The following CTNND2 variants were observed in gnomAD, a reference collection of about 807,000 sequenced individuals.
CTNND2 encodes catenin delta-2.
CTNND2 carries 22 observed loss-of-function variants against 144.4 expected under a neutral mutation model. The ratio of observed to expected loss-of-function variants is 0.15; its 90% confidence interval spans 0.11 to 0.22. The LOEUF (loss-of-function observed/expected upper bound fraction) is 0.22. Among genes scored for constraint, CTNND2 ranks in the 10% least tolerant of loss-of-function variants. The pLI is 1.00. For synonymous variants in CTNND2, 751 were observed against 695.6 expected, an observed-to-expected ratio of 1.08 and a Z score of -1.25; for missense variants, 1,353 against 1,618.8, an observed-to-expected ratio of 0.84 and a Z score of 2.82.
chr5:11,641,598 G>A (rs1312857797), intron 2 of CTNND2, among the ~76,000 whole-genome samples: 1 of 139,228 alleles, frequency 7.2e-6, no homozygotes, highest in African/African-American at 3.3e-5. Flanking sequence ...ATATACGTGT[G>A]TGTATATACA....
intron 18 of CTNND2, among the ~76,000 whole-genome samples, chr5:10,994,072 CCATTAT>C (rs1266211094): frequency 2.0e-5 from 3 of 150,268 alleles, no homozygotes; most frequent in African/African-American, 7.4e-5. Context: ...CTAATGGATA[CCATTAT>C]CTGCATTCTA....
intron 3 of CTNND2, among the ~76,000 whole-genome samples, chr5:11,496,437 TC>T (rs1769947541): frequency 6.6e-6 from 1 of 152,180 alleles, no homozygotes; most frequent in Non-Finnish European, 1.5e-5. Flanking sequence ...ACAGGACTAG[TC>T]CAATTAGAGC....
intron 3 of CTNND2, among the ~76,000 whole-genome samples, chr5:11,471,546 G>A (rs1237324344): frequency 6.6e-6 from 1 of 152,168 alleles, no homozygotes; most frequent in Non-Finnish European, 1.5e-5. Flanking sequence ...TAATGGTTTT[G>A]ATAAAGGTAT....
At chr5:11,865,800 C>G (rs924554929) in intron 1 of CTNND2, among the ~76,000 whole-genome samples, 2 of 146,816 alleles carry the variant, frequency 1.4e-5, no homozygotes, top group South Asian at 2.1e-4. Flanking sequence ...GAACTATAGA[C>G]GTAATGTGGA....
intron 9 of CTNND2, among the ~76,000 whole-genome samples, chr5:11,332,843 C>T (rs1011020962): frequency 2.2e-4 from 33 of 152,182 alleles, no homozygotes; most frequent in African/African-American, 7.5e-4. Context: ...CCCTATACTG[C>T]TCTTGTGGTA....
At position 11,385,164 on chromosome 5, in the gene CTNND2, C is replaced by A. The variant is rs532031508; in HGVS notation, c.678G>T (p.Pro226=). Residue 226 remains proline, a synonymous_variant, in exon 7 of 22, where the codon CCG becomes CCT. Coordinates refer to ENST00000304623, the MANE Select transcript of CTNND2 (RefSeq NM_001332.4). ...PEPAPPPPPP[P]REPFAPSLGS... ...CCAGGCTGGGCGCGAACGGCTCCCG[C>A]GGCGGCGGCGGCGGCGGCGGCGCGG... The A allele has an allele frequency of 4.4e-4, 433 of 979,604 alleles. 9 individuals are homozygous for A. In the South Asian group the frequency reaches 0.018, roughly 40 times the overall value. The allele number at this position is 979,604 out of a possible 1,614,324, so 60.7% of individuals were successfully genotyped here. A position where few individuals can be genotyped will look rare whatever the true frequency, so the allele number is the denominator to read the frequency against.
intron 1 of CTNND2, among the ~76,000 whole-genome samples, chr5:11,877,425 T>C (rs1389131760): frequency 6.6e-6 from 1 of 152,142 alleles, no homozygotes; most frequent in Non-Finnish European, 1.5e-5. Flanking sequence ...AAATTCATTA[T>C]GATGTCTCAA....
chr5:11,122,545 G>A (rs968752596), intron 12 of CTNND2, among the ~76,000 whole-genome samples: 2 of 151,834 alleles, frequency 1.3e-5, no homozygotes, highest in Non-Finnish European at 2.9e-5. Context: ...CTACTTACAT[G>A]TCCTTGAGCC....
At chr5:11,172,926 C>T (rs1217381088) in intron 11 of CTNND2, among the ~76,000 whole-genome samples, 1 of 152,158 alleles carries the variant, frequency 6.6e-6, no homozygotes, top group Non-Finnish European at 1.5e-5. Context: ...AGTGAGGACT[C>T]CAGGAAGAGA....
At chr5:11,875,165 C>G (rs548544094) in intron 1 of CTNND2, among the ~76,000 whole-genome samples, 1 of 152,134 alleles carries the variant, frequency 6.6e-6, no homozygotes, top group Admixed American at 6.5e-5. Context: ...ATTGTTCAAT[C>G]ATTCTGGTAG....
chr5:11,388,262 G>C (rs186557845), intron 6 of CTNND2, among the ~76,000 whole-genome samples: 88 of 152,260 alleles, frequency 5.8e-4, no homozygotes, highest in African/African-American at 1.9e-3. Context: ...TTATCAACTA[G>C]AGCACCTTCT....
intron 1 of CTNND2, among the ~76,000 whole-genome samples, chr5:11,797,373 G>T (rs1159485498): frequency 6.6e-6 from 1 of 152,124 alleles, no homozygotes; most frequent in Non-Finnish European, 1.5e-5. Flanking sequence ...TTCCAAAATG[G>T]GGCAAGGATA....
intron 2 of CTNND2, among the ~76,000 whole-genome samples, chr5:11,597,842 A>G (rs1178692169): frequency 2.0e-5 from 3 of 152,192 alleles, no homozygotes; most frequent in East Asian, 1.9e-4. Flanking sequence ...GACTATGGGC[A>G]TGAGCCACGA....
intron 16 of CTNND2, among the ~76,000 whole-genome samples, chr5:11,042,429 A>G (rs1199963271): frequency 6.6e-6 from 1 of 152,248 alleles, no homozygotes; most frequent in East Asian, 1.9e-4. Flanking sequence ...CGTAAACTAG[A>G]GAGATATGTG....
At chr5:11,268,398 C>T (rs997524865) in intron 9 of CTNND2, among the ~76,000 whole-genome samples, 1 of 152,130 alleles carries the variant, frequency 6.6e-6, no homozygotes, top group African/African-American at 2.4e-5. Context: ...GCCTAGACAA[C>T]ATGGTGAAAC....
chr5:11,418,638 G>A lies in CTNND2; in HGVS notation c.288-6569C>T, dbSNP rs72732923. On this transcript the variant is annotated intron_variant, in intron 3 of 21. Transcript: ENST00000304623. ...TTTTAAGAAGGGACGAGATGATGAC[G>A]AAGATGAAGCCTGCAGTGGCAGACC... Among the ~76,000 whole-genome samples the A allele has an allele frequency of 7.5e-3, 1,136 of 152,226 alleles. 10 individuals are homozygous for A. The highest frequency in any genetic ancestry group is 0.016 in the Admixed American group (242 of 15,300).
chr5:11,122,354 G>A (rs1201184963), intron 12 of CTNND2, among the ~76,000 whole-genome samples: 1 of 152,106 alleles, frequency 6.6e-6, no homozygotes, highest in East Asian at 1.9e-4. Flanking sequence ...TTGTGGCCTG[G>A]AGCCAGTCAG....
chr5:11,828,248 G>A (rs144988304), intron 1 of CTNND2, among the ~76,000 whole-genome samples: 7 of 152,262 alleles, frequency 4.6e-5, no homozygotes, highest in African/African-American at 7.2e-5. Context: ...GGAGTTTCCC[G>A]GCCGGGCATG....
intron 1 of CTNND2, among the ~76,000 whole-genome samples, chr5:11,813,710 C>T (rs1792473199): frequency 6.6e-6 from 1 of 152,110 alleles, no homozygotes; most frequent in Non-Finnish European, 1.5e-5. Flanking sequence ...GACAGGGTCT[C>T]GCTATGTTGC....
Sources: allele counts gnomAD v4.1 joint callset (sites outside exome capture counted in the v4.1 genomes callset), GRCh38; gene constraint gnomAD v4.1.1; transcripts MANE v1.5; gene names NCBI Gene and HGNC (gene_info 2026-07-23, HGNC 2026-07-21).